The following LRMDA variants were observed in gnomAD, a reference collection of about 807,000 sequenced individuals.
LRMDA encodes leucine-rich melanocyte differentiation-associated protein.
Under a neutral mutation model 29.8 loss-of-function variants are expected in LRMDA, and 18 were observed. The ratio of observed to expected loss-of-function variants is 0.60; its 90% confidence interval spans 0.42 to 0.90. The LOEUF is 0.90. Ranked by LOEUF, LRMDA falls within the 40% of genes least tolerant of loss-of-function variation. The pLI, the probability that LRMDA is intolerant of heterozygous loss-of-function variation, is 0.00. For missense variants in LRMDA, 273 were observed against 273.9 expected (o/e 1.00, Z 0.02); for synonymous variants, 125 against 109.4 (o/e 1.14, Z -0.89).
intron 2 of LRMDA, among the ~76,000 whole-genome samples, chr10:75,818,704 G>C (rs1844103300): frequency 6.6e-6 from 1 of 152,214 alleles, no homozygotes; most frequent in South Asian, 2.1e-4. Flanking sequence ...CACTGGCAGA[G>C]CACAGACCTG....
chr10:75,882,108 G>C (rs1483598243), intron 2 of LRMDA, among the ~76,000 whole-genome samples: 1 of 152,216 alleles, frequency 6.6e-6, no homozygotes, highest in Non-Finnish European at 1.5e-5. Flanking sequence ...CTCTTGACTG[G>C]AGGGAGTTTG....
chr10:75,960,875 G>C (rs113199085), intron 2 of LRMDA, among the ~76,000 whole-genome samples: 15 of 152,014 alleles, frequency 9.9e-5, no homozygotes, highest in African/African-American at 3.6e-4. Context: ...TCAGCCTCCC[G>C]AAGTGCTGGG....
chr10:75,953,572 A>G (rs1282336835), intron 2 of LRMDA, among the ~76,000 whole-genome samples: 1 of 152,190 alleles, frequency 6.6e-6, no homozygotes, highest in Admixed American at 6.5e-5. Flanking sequence ...TATTTATTTT[A>G]GATTAATTTA....
At chr10:75,869,965 TAC>T (rs1845081255) in intron 2 of LRMDA, among the ~76,000 whole-genome samples, 1 of 152,206 alleles carries the variant, frequency 6.6e-6, no homozygotes, top group Non-Finnish European at 1.5e-5. Context: ...AACTGTCCCT[TAC>T]ACTATTGTCC....
intron 2 of LRMDA, among the ~76,000 whole-genome samples, chr10:75,726,393 A>G (rs1842631629): frequency 6.6e-6 from 1 of 152,222 alleles, no homozygotes; most frequent in South Asian, 2.1e-4. Flanking sequence ...TTGCTGACTT[A>G]CTTAGCATCC....
chr10:76,155,128 CA>C (rs1850514718), intron 5 of LRMDA, among the ~76,000 whole-genome samples: 1 of 152,064 alleles, frequency 6.6e-6, no homozygotes. Flanking sequence ...TGCTGAATAA[CA>C]ATATTTTGTT....
chr10:76,285,074 A>G (rs1840255019), intron 5 of LRMDA, among the ~76,000 whole-genome samples: 1 of 152,146 alleles, frequency 6.6e-6, no homozygotes, highest in Admixed American at 6.6e-5. Flanking sequence ...TTGTAGCCAT[A>G]AGGGAAGTGA....
intron 2 of LRMDA, among the ~76,000 whole-genome samples, chr10:75,899,891 G>A (rs925462658): frequency 6.6e-5 from 10 of 152,214 alleles, no homozygotes; most frequent in Admixed American, 6.5e-4. Context: ...AGGCCCAGAA[G>A]AGAAATGTTT....
rs189099296 is a variant in LRMDA at position 75,845,791 on chromosome 10, A to G, written c.132-190217A>G. Among the ~76,000 whole-genome samples the G allele has an allele frequency of 4.2e-3, 636 of 152,334 alleles. 1 individual carries two copies. The highest frequency in any genetic ancestry group is 0.034 in the Middle Eastern group (10 of 294). On this transcript the variant is annotated intron_variant, in intron 2 of 6. Coordinates refer to ENST00000611255, the MANE Select transcript of LRMDA (RefSeq NM_001305581.2). Reference sequence around the variant, plus strand: ...CCTGTAACTTGGATAGAGAGGAGAAAAAACAGGAAAGGGCCCTCTGCGTTG... The same window carrying G: ...CCTGTAACTTGGATAGAGAGGAGAAGAAACAGGAAAGGGCCCTCTGCGTTG...
intron 6 of LRMDA, among the ~76,000 whole-genome samples, chr10:76,377,951 T>A (rs1841541633): frequency 6.6e-6 from 1 of 152,178 alleles, no homozygotes; most frequent in South Asian, 2.1e-4. Flanking sequence ...AGGAATTGCA[T>A]TGAATCTGAA....
At chr10:76,451,829 G>A (rs1842410175) in intron 6 of LRMDA, among the ~76,000 whole-genome samples, 1 of 151,562 alleles carries the variant, frequency 6.6e-6, no homozygotes, top group Non-Finnish European at 1.5e-5. Context: ...AGCAAATTTT[G>A]TATTTTTAGT....
At chr10:76,468,474 T>G (rs1342850455) in intron 6 of LRMDA, among the ~76,000 whole-genome samples, 1 of 152,344 alleles carries the variant, frequency 6.6e-6, no homozygotes, top group South Asian at 2.1e-4. Context: ...AGCTATTGTA[T>G]GCTTTTAAAC....
chr10:75,586,292 GCC>G (rs1455501724), intron 2 of LRMDA, among the ~76,000 whole-genome samples: 1 of 146,126 alleles, frequency 6.8e-6, no homozygotes, highest in East Asian at 2.1e-4. Flanking sequence ...AGTTTTGCAT[GCC>G]CACTAACACT....
chr10:76,084,395 T>G (rs1849101095), intron 5 of LRMDA, among the ~76,000 whole-genome samples: 1 of 103,390 alleles, frequency 9.7e-6, no homozygotes, highest in Non-Finnish European at 2.0e-5. Flanking sequence ...TTTTTTTTTT[T>G]GTAGAGTCAG....
intron 5 of LRMDA, among the ~76,000 whole-genome samples, chr10:76,232,621 GCTGCTGCAGGAGATGGCCTCTAC>G (rs1195835205): frequency 1.3e-5 from 2 of 152,214 alleles, no homozygotes; most frequent in East Asian, 1.9e-4. Flanking sequence ...GACCACACTA[GCTGCTGCAGGAGATGGCCTCTAC>G]CTGCTGTAGG....
chr10:75,557,985 G>A (rs1458119091), intron 2 of LRMDA, among the ~76,000 whole-genome samples: 1 of 152,064 alleles, frequency 6.6e-6, no homozygotes, highest in East Asian at 1.9e-4. Flanking sequence ...TTGGCATAGA[G>A]GATGTAGCCA....
At chr10:75,571,560 G>A (rs532039526) in intron 2 of LRMDA, among the ~76,000 whole-genome samples, 2 of 152,308 alleles carry the variant, frequency 1.3e-5, no homozygotes, top group African/African-American at 4.8e-5. Flanking sequence ...CCGATGTTAG[G>A]ATCCCATTCC....
At chr10:76,345,141 G>A (rs61860565) in intron 6 of LRMDA, among the ~76,000 whole-genome samples, 14,220 of 134,258 alleles carry the variant, frequency 0.11, 764 homozygotes, top group East Asian at 0.32. Flanking sequence ...ATCTCGGCTC[G>A]CTGCAAGCTC....
intron 6 of LRMDA, among the ~76,000 whole-genome samples, chr10:76,348,001 C>T (rs1841129465): frequency 6.6e-6 from 1 of 152,022 alleles, no homozygotes; most frequent in African/African-American, 2.4e-5. Flanking sequence ...CAGGCGAGTA[C>T]TAGGAGGTGT....
Sources: gnomAD v4.1 joint callset for allele counts (sites outside exome capture counted in the v4.1 genomes callset) on GRCh38, gnomAD v4.1.1 for gene constraint, MANE v1.5 for transcripts, NCBI Gene and HGNC (gene_info 2026-07-23, HGNC 2026-07-21) for gene names.